Variants in DCDC1 observed in about 807,000 individuals in gnomAD.
The protein encoded by DCDC1 is doublecortin domain containing 1.
Under a neutral mutation model 178.3 loss-of-function variants are expected in DCDC1, and 200 were observed. The observed-to-expected ratio is 1.12, with a 90% CI of 1.00 to 1.26. DCDC1 has a LOEUF of 1.26. DCDC1 is among the 50% of genes most tolerant of loss of function. DCDC1 has a pLI of 0.00. For missense variants in DCDC1, 1,983 were observed against 1,749.2 expected (o/e 1.13, Z -2.38); for synonymous variants, 690 against 604.8 (o/e 1.14, Z -2.07).
intron 20 of DCDC1, among the ~76,000 whole-genome samples, chr11:31,026,553 A>C (rs533095177): frequency 6.6e-6 from 1 of 151,998 alleles, no homozygotes; most frequent in East Asian, 1.9e-4. Context: ...GTGACTGTAC[A>C]AATTCTTATG....
intron 9 of DCDC1, among the ~76,000 whole-genome samples, chr11:31,149,608 T>C (rs1437000427): frequency 6.6e-6 from 1 of 151,684 alleles, no homozygotes; most frequent in Non-Finnish European, 1.5e-5. Context: ...ACTCTTTGGG[T>C]CTGCACTAAC....
chr11:31,227,040 G>C (rs1975062820), intron 9 of DCDC1, among the ~76,000 whole-genome samples: 1 of 152,026 alleles, frequency 6.6e-6, no homozygotes. Context: ...AGTATAAAAA[G>C]CTAAATATAT....
At chr11:31,207,668 G>A (rs552185750) in intron 9 of DCDC1, among the ~76,000 whole-genome samples, 1 of 152,214 alleles carries the variant, frequency 6.6e-6, no homozygotes, top group South Asian at 2.1e-4. Context: ...ATGCCTTAAT[G>A]TAAAATTCAC....
intron 9 of DCDC1, among the ~76,000 whole-genome samples, chr11:31,145,571 C>T (rs973277646): frequency 4.6e-5 from 7 of 152,266 alleles, no homozygotes; most frequent in Admixed American, 4.6e-4. Flanking sequence ...CAGATAATTA[C>T]TTTAGTAGGT....
chr11:31,107,137 G>A (rs895769438), intron 12 of DCDC1, among the ~76,000 whole-genome samples, 177 bp from the exon 13 acceptor site: 5 of 152,198 alleles, frequency 3.3e-5, no homozygotes, highest in Admixed American at 6.5e-5. Context: ...TCAGTGTAAA[G>A]TAACAAAATG....
intron 20 of DCDC1, among the ~76,000 whole-genome samples, chr11:31,057,043 C>T (rs901529376): frequency 6.6e-6 from 1 of 151,828 alleles, no homozygotes; most frequent in Non-Finnish European, 1.5e-5. Context: ...ACCAGCCTGG[C>T]CAACATGGTG....
intron 13 of DCDC1, among the ~76,000 whole-genome samples, chr11:31,106,313 T>C (rs947585154): frequency 6.6e-5 from 10 of 152,236 alleles, no homozygotes; most frequent in African/African-American, 2.4e-4. Context: ...ACTTTATTTG[T>C]GAAAACATAG....
intron 20 of DCDC1, among the ~76,000 whole-genome samples, chr11:30,960,986 C>T (rs1028565155): frequency 2.0e-5 from 3 of 152,050 alleles, no homozygotes; most frequent in African/African-American, 7.2e-5. Context: ...ATACTAGGGT[C>T]TCTGTTCAAT....
At chr11:31,069,527 C>T (rs1956434953) in intron 18 of DCDC1, among the ~76,000 whole-genome samples, 1 of 152,128 alleles carries the variant, frequency 6.6e-6, no homozygotes, top group Admixed American at 6.6e-5. Context: ...CAAAAGACCA[C>T]TGTGTTTTCA....
At chr11:31,090,074 A>G (rs1237068219) in intron 17 of DCDC1, among the ~76,000 whole-genome samples, 1 of 152,114 alleles carries the variant, frequency 6.6e-6, no homozygotes, top group Non-Finnish European at 1.5e-5. Flanking sequence ...TGCTTCAGAA[A>G]TCTTATTACC....
chr11:31,321,739 C>T (rs796629137), intron 3 of DCDC1, among the ~76,000 whole-genome samples: 4 of 152,310 alleles, frequency 2.6e-5, no homozygotes, highest in African/African-American at 9.6e-5. Flanking sequence ...TATTACTGTA[C>T]TCCCTTCAAA....
intron 36 of DCDC1, among the ~76,000 whole-genome samples, chr11:30,883,689 G>A (rs1942902974): frequency 6.6e-6 from 1 of 152,102 alleles, no homozygotes; most frequent in African/African-American, 2.4e-5. Context: ...GAAGTTTTTA[G>A]GGGAAAAGAT....
In DCDC1 at chr11:30,892,799, C is replaced by T; in HGVS notation, c.5082+19G>A. The T allele has an allele frequency of 1.2e-6, 2 of 1,613,538 alleles. No individual in the cohort carries two copies. The highest frequency in any genetic ancestry group is 1.6e-4 in the Middle Eastern group (1 of 6,062). On this transcript the variant is annotated intron_variant, in intron 36 of 38. Transcript: ENST00000684477. ...TTCAAACTCAGGCCTATGAAACACT[C>T]CTTTCACACTAGATTTACCTCTGAA...
chr11:31,053,873 T>C (rs1165147618), intron 20 of DCDC1, among the ~76,000 whole-genome samples: 2 of 152,112 alleles, frequency 1.3e-5, no homozygotes, highest in Non-Finnish European at 1.5e-5. Flanking sequence ...TAATACCGAA[T>C]GGGGAAAAGT....
intron 11 of DCDC1, among the ~76,000 whole-genome samples, chr11:31,114,138 C>A (rs1475879962): frequency 6.6e-6 from 1 of 152,132 alleles, no homozygotes; most frequent in Non-Finnish European, 1.5e-5. Context: ...CTGCAAAACA[C>A]TAACTAGATT....
intron 1 of DCDC1, among the ~76,000 whole-genome samples, chr11:31,358,027 G>T (rs1426687330): frequency 6.6e-6 from 1 of 152,018 alleles, no homozygotes; most frequent in Non-Finnish European, 1.5e-5. Flanking sequence ...GTAATTTATA[G>T]ATTCAATGCC....
At chr11:31,228,983 C>G (rs1238043656) in intron 9 of DCDC1, among the ~76,000 whole-genome samples, 1 of 151,934 alleles carries the variant, frequency 6.6e-6, no homozygotes. Context: ...ATTTGTACCC[C>G]AAACCACAGA....
At chr11:31,183,452 G>A (rs1286722212) in intron 9 of DCDC1, among the ~76,000 whole-genome samples, 2 of 152,098 alleles carry the variant, frequency 1.3e-5, no homozygotes, top group African/African-American at 4.8e-5. Context: ...ACTCAAAACT[G>A]CACAACTACA....
At chr11:31,203,044 G>A (rs1971470754) in intron 9 of DCDC1, among the ~76,000 whole-genome samples, 1 of 152,118 alleles carries the variant, frequency 6.6e-6, no homozygotes, top group Admixed American at 6.5e-5. Context: ...GGACAGTGAA[G>A]GGTGAGCACA....
Sources: allele counts gnomAD v4.1 joint callset (sites outside exome capture counted in the v4.1 genomes callset), GRCh38; gene constraint gnomAD v4.1.1; transcripts MANE v1.5; gene names NCBI Gene and HGNC (gene_info 2026-07-23, HGNC 2026-07-21).